The following VAMP7 variants were observed in gnomAD, a reference collection of about 807,000 sequenced individuals.
VAMP7 encodes the protein vesicle-associated membrane protein 7.
VAMP7 carries 14 observed loss-of-function variants against 29.6 expected under a neutral mutation model. The observed-to-expected ratio is 0.47, with a 90% CI of 0.31 to 0.74. The LOEUF is 0.74. Ranked by LOEUF, VAMP7 falls within the 30% of genes least tolerant of loss-of-function variation. The pLI is 0.05. For synonymous variants in VAMP7, 95 were observed against 88.1 expected (o/e 1.08, Z -0.44); for missense variants, 223 against 262.4 (o/e 0.85, Z 1.04).
At chrX:155,923,382 A>G (rs1332794056) in intron 6 of VAMP7, among the ~76,000 whole-genome samples, 1 of 150,260 alleles carries the variant, frequency 6.7e-6, no homozygotes, top group East Asian at 2.0e-4. Flanking sequence ...CTGGAAATGA[A>G]TTCTTTCAGG....
In VAMP7 at chrX:155,928,513, C is replaced by T. The variant is rs762003426; in HGVS notation, c.501+8633C>T. ...AGTATTTCTTGGCTTGTGGCTATAT[C>T]ATTGTAGTCTCTGCCTCCATGTTCA... On this transcript the variant is annotated intron_variant, in intron 6 of 7. Coordinates refer to ENST00000286448, the MANE Select transcript of VAMP7 (RefSeq NM_005638.6). Among the ~76,000 whole-genome samples, 11 of 152,230 alleles carry T rather than the reference C, an allele frequency of 7.2e-5. No individual in the cohort carries two copies. In the South Asian group the frequency reaches 1.7e-3, roughly 23 times the overall value.
At chrX:155,888,208 G>C (rs138301816) in intron 1 of VAMP7, among the ~76,000 whole-genome samples, 3 of 152,222 alleles carry the variant, frequency 2.0e-5, no homozygotes, top group Admixed American at 6.5e-5. Context: ...TTCCATGCTG[G>C]GATTGCAATA....
chrX:155,921,810 A>G (rs367813342), intron 6 of VAMP7, among the ~76,000 whole-genome samples: 74 of 152,056 alleles, frequency 4.9e-4, no homozygotes, highest in African/African-American at 1.7e-3. Flanking sequence ...GCATTTCCAT[A>G]TATGTTTTAG....
At chrX:155,908,645 C>A (rs1189986558) in intron 5 of VAMP7, among the ~76,000 whole-genome samples, 1 of 151,994 alleles carries the variant, frequency 6.6e-6, no homozygotes, top group Non-Finnish European at 1.5e-5. Context: ...TAATGCTGGG[C>A]TCATAGAATG....
At position 155,941,866 on chromosome X, in the gene VAMP7, T is replaced by C; in HGVS notation, c.595-17T>C. The C allele has an allele frequency of 2.5e-6, 4 of 1,609,566 alleles. No homozygotes were observed. The highest frequency in any genetic ancestry group is 3.4e-6 in the Non-Finnish European group (4 of 1,178,140). ...GATTGATTCAAGAAAATAAAATTGCTCTCCTCGTCCCTCCAGGTGTTCATC... is the reference window on the plus strand; with the variant it reads ...GATTGATTCAAGAAAATAAAATTGCCCTCCTCGTCCCTCCAGGTGTTCATC... On this transcript the variant is annotated splice_polypyrimidine_tract_variant and intron_variant, in intron 7 of 7. Coordinates refer to ENST00000286448, the MANE Select transcript of VAMP7 (RefSeq NM_005638.6).
intron 1 of VAMP7, among the ~76,000 whole-genome samples, chrX:155,884,232 A>T (rs1047957790): frequency 5.3e-5 from 8 of 151,708 alleles, no homozygotes; most frequent in Admixed American, 5.3e-4. Context: ...GGTTCAAGCG[A>T]TTCTCCTGCC....
At chrX:155,905,521 C>T (rs1270402196) in intron 5 of VAMP7, among the ~76,000 whole-genome samples, 1 of 152,078 alleles carries the variant, frequency 6.6e-6, no homozygotes, top group Non-Finnish European at 1.5e-5. Flanking sequence ...TTGTTTTCTT[C>T]TAAGACTAGT....
intron 6 of VAMP7, among the ~76,000 whole-genome samples, chrX:155,936,665 G>A (rs1271063300): frequency 2.6e-5 from 4 of 152,164 alleles, no homozygotes; most frequent in South Asian, 2.1e-4. Context: ...GCGATGTCTC[G>A]CCCTGCTTCG....
At chrX:155,904,474 C>T (rs143005288) in intron 5 of VAMP7, among the ~76,000 whole-genome samples, 163 of 152,058 alleles carry the variant, frequency 1.1e-3, no homozygotes, top group Non-Finnish European at 2.2e-3. Flanking sequence ...ATAATTCACC[C>T]ATTTAAAGTA....
chrX:155,937,000 G>T (rs1013453365), intron 6 of VAMP7, among the ~76,000 whole-genome samples: 22 of 152,064 alleles, frequency 1.4e-4, no homozygotes, highest in Non-Finnish European at 3.1e-4. Flanking sequence ...TATGTTTATG[G>T]ATTGGAAGAA....
rs1384312979 is a variant in VAMP7 at position 155,908,191 on chromosome X, G to T, written c.433+7604G>T. ...GCAGAGGCTGCAATCTCGGCACTTTGGGAGGCCAAGGCAGGCGGCTGGGAG... is the reference window on the plus strand; with the variant it reads ...GCAGAGGCTGCAATCTCGGCACTTTTGGAGGCCAAGGCAGGCGGCTGGGAG... On this transcript the variant is annotated intron_variant, in intron 5 of 7. Transcript: ENST00000286448. 1.3e-5 allele frequency among the ~76,000 whole-genome samples: 2 copies of T among 152,218 alleles called. 1 individual carries two copies. The highest frequency in any genetic ancestry group is 2.9e-5 in the Non-Finnish European group (2 of 68,036).
chrX:155,886,599 A>G (rs1034967613), intron 1 of VAMP7, among the ~76,000 whole-genome samples: 2 of 152,090 alleles, frequency 1.3e-5, no homozygotes, highest in African/African-American at 2.4e-5. Context: ...CTCATGTTAC[A>G]TATCTCTAGT....
chrX:155,892,264 CT>C, intron 2 of VAMP7, among the ~76,000 whole-genome samples: 1 of 152,190 alleles, frequency 6.6e-6, no homozygotes, highest in East Asian at 1.9e-4. Flanking sequence ...TCCTTGTAAA[CT>C]TTTGCTCACT....
intron 5 of VAMP7, among the ~76,000 whole-genome samples, chrX:155,911,242 CTA>C (rs1207493150): frequency 1.3e-5 from 2 of 152,058 alleles, no homozygotes; most frequent in African/African-American, 4.8e-5. Context: ...AATCAGTTGC[CTA>C]TATATGTGTG....
chrX:155,885,666 GAGAC>G (rs1237244838), intron 1 of VAMP7, among the ~76,000 whole-genome samples: 1 of 152,152 alleles, frequency 6.6e-6, no homozygotes, highest in Non-Finnish European at 1.5e-5. Flanking sequence ...TAAAAGAAGA[GAGAC>G]AGAGAGAATG....
At chrX:155,890,665 A>G (rs1349125088) in intron 2 of VAMP7, among the ~76,000 whole-genome samples, 3 of 152,068 alleles carry the variant, frequency 2.0e-5, no homozygotes, top group African/African-American at 7.2e-5. Flanking sequence ...CTGGCCCTTC[A>G]GTCAGTTTTT....
At chrX:155,887,160 T>A (rs1376421607) in intron 1 of VAMP7, among the ~76,000 whole-genome samples, 1 of 152,210 alleles carries the variant, frequency 6.6e-6, no homozygotes, top group Non-Finnish European at 1.5e-5. Flanking sequence ...TCCTCCTCAG[T>A]CTTTGTGAGT....
intron 5 of VAMP7, among the ~76,000 whole-genome samples, chrX:155,918,251 G>A (rs1351853664): frequency 1.3e-5 from 2 of 151,320 alleles, no homozygotes; most frequent in African/African-American, 4.9e-5. Flanking sequence ...GGCTCCGTGG[G>A]GGTGGAATAT....
At chrX:155,923,000 T>C (rs761934565) in intron 6 of VAMP7, among the ~76,000 whole-genome samples, 39 of 152,082 alleles carry the variant, frequency 2.6e-4, no homozygotes, top group African/African-American at 9.4e-4. Flanking sequence ...TGCTTTAGGG[T>C]TTACAGTATG....
Sources: allele counts gnomAD v4.1 joint callset (sites outside exome capture counted in the v4.1 genomes callset), GRCh38; gene constraint gnomAD v4.1.1; transcripts MANE v1.5; gene names NCBI Gene and HGNC (gene_info 2026-07-23, HGNC 2026-07-21).